The following KLRK1 variants were observed in gnomAD, a reference collection of about 807,000 sequenced individuals.
KLRK1 encodes NKG2-D type II integral membrane protein.
KLRK1 carries 40 observed loss-of-function variants against 31.3 expected under a neutral mutation model. The ratio of observed to expected loss-of-function variants is 1.28; its 90% CI spans 0.99 to 1.67. The LOEUF is 1.67. Among genes scored for constraint, KLRK1 ranks in the 40% most tolerant of loss-of-function variants. The probability of loss-of-function intolerance (pLI) is 0.00; values close to 1 mark genes in which losing one functional copy is unlikely to be tolerated. For missense variants in KLRK1, 251 were observed against 260.0 expected, an observed-to-expected ratio of 0.97 and a Z score of 0.24; for synonymous variants, 77 against 77.3, an observed-to-expected ratio of 1.00 and a Z score of 0.02.
chr12:10,376,090 G>C (rs1862959827), intron 7 of KLRK1, among the ~76,000 whole-genome samples: 1 of 152,202 alleles, frequency 6.6e-6, no homozygotes, highest in Non-Finnish European at 1.5e-5. Flanking sequence ...ACTACTCCAG[G>C]ATGGAGAAAG....
At chr12:10,384,597 C>G (rs1416375540) in intron 3 of KLRK1, among the ~76,000 whole-genome samples, 1 of 151,904 alleles carries the variant, frequency 6.6e-6, no homozygotes, top group Admixed American at 6.6e-5. Flanking sequence ...CAAAAATCAA[C>G]TCAAAATGGA....
At chr12:10,373,571 T>C (rs555420743) in intron 7 of KLRK1, among the ~76,000 whole-genome samples, 20 of 152,356 alleles carry the variant, frequency 1.3e-4, no homozygotes, top group African/African-American at 3.6e-4. Context: ...AATTTAGAAT[T>C]TGATACTGTG....
chr12:10,382,585 C>G (rs1424898472), intron 3 of KLRK1, among the ~76,000 whole-genome samples: 1 of 151,924 alleles, frequency 6.6e-6, no homozygotes, highest in Non-Finnish European at 1.5e-5. Flanking sequence ...ACATGATATG[C>G]TAAAGAGAGT....
chr12:10,378,006 C>CTT lies in KLRK1; in HGVS notation c.533+124_533+125dup, dbSNP rs1202080760. ...TTCTCCCAAATTTAGGGCCTAAGCA[C>CTT]TTTTTACTAAATCTATTAGAATGTG... On this transcript the variant is annotated intron_variant, in intron 7 of 7. Transcript: ENST00000240618. 7 of 1,031,382 alleles carry CTT rather than the reference C, an allele frequency of 6.8e-6. No homozygotes were observed. The Admixed American group carries it at 1.4e-4, about 21-fold the overall frequency. 63.9% of individuals were successfully genotyped at this position (1,031,382 alleles called of 1,614,324 possible).
chr12:10,378,722 T>C lies in KLRK1; in HGVS notation c.278-17A>G. On this transcript the variant is annotated splice_polypyrimidine_tract_variant and intron_variant, in intron 5 of 7. Coordinates refer to ENST00000240618, the MANE Select transcript of KLRK1 (RefSeq NM_007360.4). ...AGTAACTTTCTGGAAAAGGAGAATA[T>C]ATTATTAATTCTACACATCTGAACC... 4.4e-6 allele frequency: 7 copies of C among 1,581,404 alleles called. No homozygotes were observed. The highest frequency in any genetic ancestry group is 1.4e-5 in the African/African-American group (1 of 72,914).
rs1256324008 is a variant in KLRK1 at position 10,373,172 on chromosome 12, C to A, written c.593G>T (p.Gly198Val). 1.9e-6 allele frequency: 3 copies of A among 1,612,212 alleles called. No homozygotes were observed. Among genetic ancestry groups the A allele is most frequent in the Non-Finnish European group, 2.5e-6 (3 of 1,179,396 alleles). Reference sequence around the variant, plus strand: ...TGGAGTTGAACAGTTTTCTATATAGCCTTTAAAGCTCGAGGCATAGAGTGC... The same window carrying A: ...TGGAGTTGAACAGTTTTCTATATAGACTTTAAAGCTCGAGGCATAGAGTGC... ...DCALYASSFK[G>V]YIENCSTPNT... Residue 198 changes from glycine (G) to valine (V), a missense_variant, in exon 8 of 8, where the codon GGC becomes GTC. Transcript: ENST00000240618.
chr12:10,377,338 C>T (rs1290246321), intron 7 of KLRK1, among the ~76,000 whole-genome samples: 2 of 152,152 alleles, frequency 1.3e-5, no homozygotes, highest in East Asian at 1.9e-4. Context: ...AGAAAGATTT[C>T]GTTAATATGA....
intron 3 of KLRK1, among the ~76,000 whole-genome samples, chr12:10,384,702 T>A (rs1863135042): frequency 2.6e-5 from 4 of 151,976 alleles, no homozygotes; most frequent in African/African-American, 9.7e-5. Context: ...ATTTTATGGG[T>A]AAGAATTCAA....
chr12:10,380,796 G>A (rs1464745054), intron 3 of KLRK1, among the ~76,000 whole-genome samples: 1 of 152,080 alleles, frequency 6.6e-6, no homozygotes, highest in East Asian at 1.9e-4. Flanking sequence ...TTCCAGAGTG[G>A]GAATTCACAC....
rs963544318 is a variant in KLRK1, at chr12:10,373,009, C to A, written c.*105G>T. On this transcript the variant is annotated 3_prime_UTR_variant, in exon 8 of 8. Coordinates refer to ENST00000240618, the MANE Select transcript of KLRK1 (RefSeq NM_007360.4). ...TCTAAGAAATCTGACAGTCTTTGGT[C>A]ATTTTGTCCTGTTTTTGTTTGTTTC... is the stretch of plus-strand genomic sequence containing the variant. 5 of 980,396 alleles carry A rather than the reference C, an allele frequency of 5.1e-6. No homozygotes were observed. In the African/African-American group the frequency reaches 6.6e-5, roughly 13 times the overall value. 60.7% of individuals were successfully genotyped at this position (980,396 alleles called of 1,614,324 possible). A position where few individuals can be genotyped will look rare whatever the true frequency, so the allele number is the denominator to read the frequency against.
intron 4 of KLRK1, 52 bp downstream of exon 4, chr12:10,379,648 T>G: frequency 6.6e-7 from 1 of 1,511,772 alleles, no homozygotes; most frequent in Non-Finnish European, 9.0e-7. Flanking sequence ...AAATAATACA[T>G]TAGCATTGTT....
intron 3 of KLRK1, among the ~76,000 whole-genome samples, chr12:10,386,263 G>A (rs1156692082): frequency 6.6e-6 from 1 of 152,064 alleles, no homozygotes; most frequent in African/African-American, 2.4e-5. Flanking sequence ...GAAAGGGCAT[G>A]TGTGTTTTAA....
At chr12:10,378,929 G>A (rs1420088941) in intron 5 of KLRK1, 1 of 393,686 alleles carries the variant, frequency 2.5e-6, no homozygotes, top group Non-Finnish European at 4.3e-6. Flanking sequence ...CAAGGCAGGT[G>A]ACTCACTTGA....
intron 3 of KLRK1, among the ~76,000 whole-genome samples, chr12:10,385,479 C>T (rs1863151628): frequency 6.6e-6 from 1 of 151,800 alleles, no homozygotes; most frequent in Non-Finnish European, 1.5e-5. Flanking sequence ...GTCAGAAGTA[C>T]ATAATGTTAC....
chr12:10,373,138 G>A lies in KLRK1; in HGVS notation c.627C>T (p.Tyr209=). The A allele has an allele frequency of 2.5e-6, 4 of 1,612,552 alleles. No homozygotes were observed. Among genetic ancestry groups the A allele is most frequent in the South Asian group, 2.2e-5 (2 of 90,746 alleles). Residue 209 remains tyrosine, a synonymous_variant, in exon 8 of 8, where the codon TAC becomes TAT. Transcript: ENST00000240618. ...YIENCSTPNT[Y]ICMQRTV is the part of the protein sequence containing the mutation. ...TTTACACAGTCCTTTGCATGCAGAT[G>A]TACGTATTTGGAGTTGAACAGTTTT...
Position 10,388,867 on chromosome 12 carries a change from A to G in KLRK1, c.-57T>C. On this transcript the variant is annotated 5_prime_UTR_variant, in exon 2 of 8. Transcript: ENST00000240618. ...GAGGAATCTAAAGTCTTCAATGCACAAAGGATTCCTGAATAAAATAAAACT... is the reference window on the plus strand; with the variant it reads ...GAGGAATCTAAAGTCTTCAATGCACGAAGGATTCCTGAATAAAATAAAACT... 1.3e-6 allele frequency: 2 copies of G among 1,597,780 alleles called. No homozygotes were observed. The highest frequency in any genetic ancestry group is 1.7e-6 in the Non-Finnish European group (2 of 1,167,026).
intron 7 of KLRK1, chr12:10,374,159 A>T (rs534530798): frequency 1.3e-5 from 2 of 152,156 alleles, no homozygotes; most frequent in Admixed American, 6.5e-5. Flanking sequence ...GATTACAGGC[A>T]TGTGCCACCA....
chr12:10,376,746 G>A (rs1862973802), intron 7 of KLRK1, among the ~76,000 whole-genome samples: 1 of 152,218 alleles, frequency 6.6e-6, no homozygotes, highest in Non-Finnish European at 1.5e-5. Flanking sequence ...CATTGCATTA[G>A]TAAAATGCAA....
At position 10,372,867 on chromosome 12, in the gene KLRK1, T is replaced by G; in HGVS notation, c.*247A>C. ...TCCCCCAGCCCATCCACTCTGGGCTTGTGGTGGGAGAGGCAGCCTTGGGGA... is the reference window on the plus strand; with the variant it reads ...TCCCCCAGCCCATCCACTCTGGGCTGGTGGTGGGAGAGGCAGCCTTGGGGA... On this transcript the variant is annotated 3_prime_UTR_variant, in exon 8 of 8. Coordinates refer to ENST00000240618, the MANE Select transcript of KLRK1 (RefSeq NM_007360.4). 1 of 408,294 alleles carries G rather than the reference T, an allele frequency of 2.4e-6. No homozygotes were observed. The highest frequency in any genetic ancestry group is 6.1e-5 in the East Asian group (1 of 16,350). The allele number at this position is 408,294 out of a possible 1,614,324, so 25.3% of individuals were successfully genotyped here.
Sources: allele counts gnomAD v4.1 joint callset (sites outside exome capture counted in the v4.1 genomes callset), GRCh38; gene constraint gnomAD v4.1.1; transcripts MANE v1.5; gene names NCBI Gene and HGNC (gene_info 2026-07-23, HGNC 2026-07-21).